Variants in PGGT1B observed in about 807,000 individuals in gnomAD.
The protein encoded by PGGT1B is geranylgeranyl transferase type-1 subunit beta.
PGGT1B carries 30 observed loss-of-function variants against 46.1 expected under a neutral mutation model. That is an observed-to-expected ratio of 0.65 (90% confidence interval 0.49 to 0.88). The LOEUF is 0.88. Ranked by LOEUF, PGGT1B falls within the 40% of genes least tolerant of loss-of-function variation. The probability of loss-of-function intolerance (pLI) is 0.00; values close to 1 mark genes in which losing one functional copy is unlikely to be tolerated. For synonymous variants in PGGT1B, 170 were observed against 160.0 expected (o/e 1.06, Z -0.47); for missense variants, 376 against 455.9 (o/e 0.82, Z 1.60).
intron 6 of PGGT1B, among the ~76,000 whole-genome samples, chr5:115,222,665 C>T (rs1223897360): frequency 6.6e-6 from 1 of 152,190 alleles, no homozygotes. Flanking sequence ...GCTATAAAGA[C>T]ACATGTACAC....
intron 3 of PGGT1B, among the ~76,000 whole-genome samples, chr5:115,238,356 T>A (rs1032172017): frequency 7.3e-6 from 1 of 136,826 alleles, no homozygotes; most frequent in Non-Finnish European, 1.5e-5. Flanking sequence ...CAGGCTGGAC[T>A]GTAGTGGTGC....
intron 5 of PGGT1B, among the ~76,000 whole-genome samples, chr5:115,234,506 C>A (rs570512228): frequency 1.3e-5 from 2 of 151,656 alleles, no homozygotes; most frequent in Non-Finnish European, 2.9e-5. Flanking sequence ...ATAAAGTCAA[C>A]GAAGTTGTGG....
At chr5:115,262,177 G>T (rs1214917345) in intron 1 of PGGT1B, among the ~76,000 whole-genome samples, 2 of 152,126 alleles carry the variant, frequency 1.3e-5, no homozygotes, top group Non-Finnish European at 2.9e-5. Context: ...TTCAGCTATT[G>T]CGATACTTTT....
intron 8 of PGGT1B, 68 bp from the exon 9 acceptor site, chr5:115,212,651 C>T: frequency 9.1e-7 from 1 of 1,094,628 alleles, no homozygotes; most frequent in Non-Finnish European, 1.3e-6. Flanking sequence ...AATATTTTAG[C>T]CACATATTTA....
intron 7 of PGGT1B, among the ~76,000 whole-genome samples, chr5:115,219,051 G>T (rs1756510201): frequency 6.6e-6 from 1 of 151,852 alleles, no homozygotes; most frequent in Admixed American, 6.6e-5. Flanking sequence ...CAGATTCAAT[G>T]CAATTCCCAT....
At chr5:115,222,817 A>G (rs1462411251) in intron 6 of PGGT1B, among the ~76,000 whole-genome samples, 1 of 152,238 alleles carries the variant, frequency 6.6e-6, no homozygotes, top group Non-Finnish European at 1.5e-5. Flanking sequence ...CGTCCTTTGT[A>G]GGGACACGGA....
At chr5:115,250,513 G>A (rs1194001888) in intron 2 of PGGT1B, among the ~76,000 whole-genome samples, 1 of 152,110 alleles carries the variant, frequency 6.6e-6, no homozygotes, top group East Asian at 1.9e-4. Context: ...AGTAACTTAA[G>A]CAGCAATGAC....
At chr5:115,240,485 G>C (rs1041287358) in intron 3 of PGGT1B, among the ~76,000 whole-genome samples, 2 of 152,088 alleles carry the variant, frequency 1.3e-5, no homozygotes, top group Non-Finnish European at 2.9e-5. Context: ...AAATATGATA[G>C]GCATGAAAAG....
intron 5 of PGGT1B, among the ~76,000 whole-genome samples, chr5:115,233,621 T>C (rs1036448908): frequency 4.0e-5 from 6 of 149,940 alleles, no homozygotes; most frequent in Non-Finnish European, 4.4e-5. Flanking sequence ...AACTCTGGCC[T>C]GCAGTCTGGA....
At chr5:115,240,243 G>A (rs1301328277) in intron 3 of PGGT1B, among the ~76,000 whole-genome samples, 1 of 152,020 alleles carries the variant, frequency 6.6e-6, no homozygotes, top group Non-Finnish European at 1.5e-5. Flanking sequence ...GGGCAATAAT[G>A]GTTTTTTCTT....
At chr5:115,220,187 G>A (rs1756544431) in intron 7 of PGGT1B, among the ~76,000 whole-genome samples, 1 of 151,746 alleles carries the variant, frequency 6.6e-6, no homozygotes, top group Admixed American at 6.6e-5. Flanking sequence ...GCCAAAAGGT[G>A]AAAACAACGC....
intron 7 of PGGT1B, among the ~76,000 whole-genome samples, chr5:115,219,608 A>G (rs1756526259): frequency 6.6e-6 from 1 of 151,884 alleles, no homozygotes; most frequent in Non-Finnish European, 1.5e-5. Flanking sequence ...ATTGTACTGC[A>G]TCAAAAAACT....
intron 1 of PGGT1B, among the ~76,000 whole-genome samples, chr5:115,259,516 C>T (rs1165928002): frequency 2.0e-5 from 3 of 151,878 alleles, no homozygotes; most frequent in African/African-American, 4.8e-5. Context: ...GGTGAAACCG[C>T]ATCTCTACTA....
intron 3 of PGGT1B, among the ~76,000 whole-genome samples, chr5:115,241,137 T>G (rs1757333352): frequency 6.6e-6 from 1 of 152,186 alleles, no homozygotes; most frequent in Non-Finnish European, 1.5e-5. Context: ...GTGAGCTAAA[T>G]GTAGAGTCTT....
At chr5:115,239,689 T>C (rs1757291631) in intron 3 of PGGT1B, among the ~76,000 whole-genome samples, 2 of 152,338 alleles carry the variant, frequency 1.3e-5, no homozygotes, top group Admixed American at 1.3e-4. Context: ...AATTCTTTTC[T>C]GCAGAAGAGG....
At position 115,212,132 on chromosome 5, in the gene PGGT1B, T is replaced by C. The variant is rs928060007; in HGVS notation, c.*270A>G. Reference sequence around the variant, plus strand: ...TTTTTAAAAAGATAACCTACACACATACAGTTAATTTGCCTCAAACAACTT... The same window carrying C: ...TTTTTAAAAAGATAACCTACACACACACAGTTAATTTGCCTCAAACAACTT... On this transcript the variant is annotated 3_prime_UTR_variant, in exon 9 of 9. Coordinates refer to ENST00000419445, the MANE Select transcript of PGGT1B (RefSeq NM_005023.4). The C allele has an allele frequency of 2.5e-6, 1 of 393,192 alleles. No homozygotes were observed. Among genetic ancestry groups the C allele is most frequent in the Non-Finnish European group, 4.6e-6 (1 of 218,668 alleles). The allele number at this position is 393,192 out of a possible 1,614,324, so 24.4% of individuals were successfully genotyped here.
intron 3 of PGGT1B, among the ~76,000 whole-genome samples, chr5:115,239,685 T>A (rs1757291495): frequency 6.6e-6 from 1 of 152,204 alleles, no homozygotes; most frequent in South Asian, 2.1e-4. Flanking sequence ...TAGGAATTCT[T>A]TTCTGCAGAA....
intron 6 of PGGT1B, among the ~76,000 whole-genome samples, chr5:115,229,511 C>T (rs1387543821): frequency 1.3e-5 from 2 of 152,066 alleles, no homozygotes; most frequent in Non-Finnish European, 2.9e-5. Context: ...AAAATCATGA[C>T]TTGTATAACT....
At chr5:115,253,005 C>A in intron 2 of PGGT1B, 132 bp downstream of exon 2, 1 of 739,606 alleles carries the variant, frequency 1.4e-6, no homozygotes, top group Non-Finnish European at 2.2e-6. Context: ...AATGGCAATG[C>A]TGCATTACAA....
Sources: gnomAD v4.1 joint callset for allele counts (sites outside exome capture counted in the v4.1 genomes callset) on GRCh38, gnomAD v4.1.1 for gene constraint, MANE v1.5 for transcripts, NCBI Gene and HGNC (gene_info 2026-07-23, HGNC 2026-07-21) for gene names.